The following IGF2R variants were observed in gnomAD, a reference collection of about 807,000 sequenced individuals.
IGF2R encodes insulin like growth factor 2 receptor.
Under a neutral mutation model 270.6 loss-of-function variants are expected in IGF2R, and 91 were observed. The observed-to-expected ratio is 0.34, with a 90% confidence interval of 0.28 to 0.40. The LOEUF is 0.40. Among genes scored for constraint, IGF2R ranks in the 10% least tolerant of loss-of-function variants. IGF2R has a pLI of 1.00. For missense variants in IGF2R, 2,805 were observed against 3,188.3 expected, an observed-to-expected ratio of 0.88 and a Z score of 2.90; for synonymous variants, 1,316 against 1,258.9, an observed-to-expected ratio of 1.05 and a Z score of -0.96.
At position 160,050,470 on chromosome 6, in the gene IGF2R, C is replaced by T. The variant is rs1188655370; in HGVS notation, c.2515-3C>T. The stretch of plus-strand genomic sequence containing the variant: ...AAGCCTAACAAGACTGGTTTTCTTG[C>T]AGGGCTCCTTCACTGAAGTGGTTTC... On this transcript the variant is annotated splice_polypyrimidine_tract_variant and splice_region_variant and intron_variant, in intron 18 of 47. Transcript: ENST00000356956. The surrounding 1 kb of genome is among the most constrained non-coding windows in gnomAD (Gnocchi z 4.0). The T allele has an allele frequency of 5.0e-6, 8 of 1,602,580 alleles. No individual in the cohort carries two copies. Among genetic ancestry groups the T allele is most frequent in the Non-Finnish European group, 6.8e-6 (8 of 1,170,842 alleles).
intron 1 of IGF2R, among the ~76,000 whole-genome samples, chr6:159,980,009 C>G (rs1413923621): frequency 6.6e-6 from 1 of 152,004 alleles, no homozygotes; most frequent in Non-Finnish European, 1.5e-5. Flanking sequence ...GAAACCCTGT[C>G]TCTACTAAAA....
At chr6:159,993,488 G>T (rs1784008053) in intron 2 of IGF2R, among the ~76,000 whole-genome samples, 1 of 152,138 alleles carries the variant, frequency 6.6e-6, no homozygotes, top group East Asian at 1.9e-4. Flanking sequence ...CCCTTCGCCA[G>T]TGTTATGTTT....
intron 31 of IGF2R, 131 bp from the exon 32 acceptor site, chr6:160,071,779 A>C: frequency 8.1e-7 from 1 of 1,232,004 alleles, no homozygotes; most frequent in African/African-American, 1.5e-5. Context: ...GCCTCATCCC[A>C]CAGGCACATG....
At chr6:159,985,764 G>C (rs892553455) in intron 1 of IGF2R, among the ~76,000 whole-genome samples, 2 of 152,238 alleles carry the variant, frequency 1.3e-5, no homozygotes, top group African/African-American at 4.8e-5. Flanking sequence ...TGTCTCTCCA[G>C]CTGTCAGGCT....
At chr6:160,037,219 A>G (rs1777846750) in intron 10 of IGF2R, among the ~76,000 whole-genome samples, 1 of 152,188 alleles carries the variant, frequency 6.6e-6, no homozygotes, top group Non-Finnish European at 1.5e-5. Flanking sequence ...TGTTTTCATT[A>G]TGATTGTAAC....
intron 45 of IGF2R, among the ~76,000 whole-genome samples, chr6:160,097,943 A>G (rs1779402754): frequency 6.6e-6 from 1 of 151,966 alleles, no homozygotes; most frequent in African/African-American, 2.4e-5. Context: ...TTGAAATTTC[A>G]CTTGTGGTAT....
chr6:160,081,617 G>T (rs528503671), intron 39 of IGF2R, among the ~76,000 whole-genome samples: 231 of 152,292 alleles, frequency 1.5e-3, no homozygotes, highest in African/African-American at 5.2e-3. Context: ...GGAGGCCAGG[G>T]CGTGTTTCAT....
At chr6:160,044,408 T>TTCTTTTTTCTTTC in intron 12 of IGF2R, 106 bp from the exon 13 acceptor site, 1 of 1,063,622 alleles carries the variant, frequency 9.4e-7, no homozygotes, top group Non-Finnish European at 1.4e-6. Context: ...TTGGGCTGAT[T>TTCTTTTTTCTTTC]TCTTTCTTTC....
intron 7 of IGF2R, 79 bp downstream of exon 7, chr6:160,029,734 G>A (rs1777653300): frequency 4.2e-6 from 4 of 956,336 alleles, no homozygotes; most frequent in Non-Finnish European, 6.6e-6. Context: ...CTGGGCTTGG[G>A]GCAGGGTGGG....
intron 1 of IGF2R, 33 bp downstream of exon 1, chr6:159,969,428 G>A: frequency 8.3e-7 from 1 of 1,197,742 alleles, no homozygotes; most frequent in South Asian, 3.9e-5. Context: ...GGCTCCGCTC[G>A]CGGTGCCCGG....
intron 1 of IGF2R, among the ~76,000 whole-genome samples, chr6:159,990,477 T>C (rs553139591): frequency 6.6e-6 from 1 of 152,342 alleles, no homozygotes; most frequent in Non-Finnish European, 1.5e-5. Context: ...ATTGTAAGTT[T>C]CTTGAGGCCT....
In IGF2R at chr6:160,004,880, C is replaced by G. The variant is rs1784191031; in HGVS notation, c.290-4130C>G. On this transcript the variant is annotated intron_variant, in intron 2 of 47. Transcript: ENST00000356956. The surrounding 1 kb of genome is among the most constrained non-coding windows in gnomAD (Gnocchi z 5.2). ...GAGAGTGGACTGCACTGCGACGAGACAGGAGGAAAGGTCAAACCTGTCTCC... is the reference window on the plus strand; with the variant it reads ...GAGAGTGGACTGCACTGCGACGAGAGAGGAGGAAAGGTCAAACCTGTCTCC... 1 of 152,192 alleles carries G rather than the reference C, an allele frequency of 6.6e-6. No individual in the cohort carries two copies. The highest frequency in any genetic ancestry group is 6.5e-5 in the Admixed American group (1 of 15,268). The allele number at this position is 152,192 out of a possible 1,614,324, so 9.4% of individuals were successfully genotyped here. A position where few individuals can be genotyped will look rare whatever the true frequency, so the allele number is the denominator to read the frequency against.
rs769778969 is a variant in IGF2R at position 160,102,535 on chromosome 6, G to A, written c.6859G>A (p.Glu2287Lys). 1.7e-5 allele frequency: 27 copies of A among 1,612,284 alleles called. No homozygotes were observed. In the Admixed American group the frequency reaches 2.5e-4, roughly 15 times the overall value. Reference sequence around the variant, plus strand: ...TCCTTGCAGGGTGGGCTTTGACAGCGAGAATCCCGGGGACGACGGGCAGAT... The same window carrying A: ...TCCTTGCAGGGTGGGCTTTGACAGCAAGAATCCCGGGGACGACGGGCAGAT... ...VCPLGVGFDS[E>K]NPGDDGQMHK... The change falls in exon 46 of 48, where the codon GAG becomes AAG. Residue 2287 changes from glutamate (E) to lysine (K), a missense_variant. Coordinates refer to ENST00000356956, the MANE Select transcript of IGF2R (RefSeq NM_000876.4). The surrounding 1 kb of genome is among the most constrained non-coding windows in gnomAD (Gnocchi z 4.5).
At chr6:160,009,209 G>A (rs1025648192) in intron 3 of IGF2R, 75 bp downstream of exon 3, 1 of 1,328,600 alleles carries the variant, frequency 7.5e-7, no homozygotes, top group South Asian at 1.5e-5. Flanking sequence ...GGCTGTAGAG[G>A]TATTCCAGGA....
chr6:160,007,281 T>C (rs1248889215), intron 2 of IGF2R: 1 of 152,220 alleles, frequency 6.6e-6, no homozygotes, highest in Non-Finnish European at 1.5e-5. Flanking sequence ...CACACGAATG[T>C]TCAATTTTAG....
At chr6:160,079,517 T>C in intron 37 of IGF2R, 63 bp from the exon 38 acceptor site, 2 of 1,196,370 alleles carry the variant, frequency 1.7e-6, no homozygotes, top group Non-Finnish European at 2.2e-6. Context: ...ATAGTGGTTC[T>C]CTCTTCACTT....
intron 1 of IGF2R, among the ~76,000 whole-genome samples, chr6:159,982,536 T>G (rs1463160137): frequency 1.3e-5 from 2 of 152,232 alleles, no homozygotes; most frequent in African/African-American, 2.4e-5. Context: ...TGAATTTCAC[T>G]TATGTGTCAC....
At position 160,043,156 on chromosome 6, in the gene IGF2R, C is replaced by A. The variant is rs1369444521; in HGVS notation, c.1489C>A (p.Gln497Lys). 2.5e-6 allele frequency: 4 copies of A among 1,613,824 alleles called. No individual in the cohort carries two copies. The African/African-American group carries it at 4.0e-5, about 16-fold the overall frequency. Residue 497 changes from glutamine (Q) to lysine (K), a missense_variant, in exon 12 of 48, where the codon CAG becomes AAG. Coordinates refer to ENST00000356956, the MANE Select transcript of IGF2R (RefSeq NM_000876.4). Reference sequence around the variant, plus strand: ...CTTTTGTTTTGTTACAGAACCAGAGCAGAATTGGGAAGCTGTGGATGGCAG... The same window carrying A: ...CTTTTGTTTTGTTACAGAACCAGAGAAGAATTGGGAAGCTGTGGATGGCAG... The part of the protein sequence containing the change: ...SALVRHAEPE[Q>K]NWEAVDGSQT...
In IGF2R at chr6:160,078,322, A is replaced by G. The variant is rs150924677; in HGVS notation, c.5438A>G (p.Tyr1813Cys). 1.4e-5 allele frequency: 22 copies of G among 1,614,092 alleles called. No individual in the cohort carries two copies. Among genetic ancestry groups the G allele is most frequent in the Non-Finnish European group, 3.4e-6 (4 of 1,180,010 alleles). The change falls in exon 37 of 48, where the codon TAC (tyrosine) becomes TGC (cysteine). Residue 1813 changes from tyrosine (Y) to cysteine (C), a missense_variant. Tyr to Cys is a radical substitution (Grantham distance 194, BLOSUM62 -2). This residue lies in a region of IGF2R where 1,851 missense variants were observed against 2,207.2 expected (regional missense o/e 0.84). Transcript: ENST00000356956. Reference sequence around the variant, plus strand: ...ACCCTGACAGATGAGCAGCTCCTCTACAGCTTCAACTTGTCCAGCCTTTCC... The same window carrying G: ...ACCCTGACAGATGAGCAGCTCCTCTGCAGCTTCAACTTGTCCAGCCTTTCC... ...GCTLTDEQLL[Y>C]SFNLSSLSTS...
Sources: allele counts gnomAD v4.1 joint callset (sites outside exome capture counted in the v4.1 genomes callset), GRCh38; gene constraint gnomAD v4.1.1; regional missense constraint gnomAD v4.1.1; non-coding constraint Gnocchi (gnomAD v3.1); transcripts MANE v1.5; gene names NCBI Gene and HGNC (gene_info 2026-07-23, HGNC 2026-07-21).